The following ASAH2 variants were observed in gnomAD, a reference collection of about 807,000 sequenced individuals.
ASAH2 encodes neutral ceramidase.
Under a neutral mutation model 82.9 loss-of-function variants are expected in ASAH2, and 58 were observed. The observed-to-expected ratio is 0.70, with a 90% CI of 0.57 to 0.87. ASAH2 has a LOEUF of 0.87. ASAH2 is among the 40% of genes least tolerant of loss of function. The pLI is 0.00. For synonymous variants in ASAH2, 276 were observed against 289.7 expected, an observed-to-expected ratio of 0.95 and a Z score of 0.48; for missense variants, 779 against 834.0, an observed-to-expected ratio of 0.93 and a Z score of 0.81.
chr10:50,208,081 A>G (rs2133204570), intron 12 of ASAH2, among the ~76,000 whole-genome samples: 1 of 152,102 alleles, frequency 6.6e-6, no homozygotes, highest in Middle Eastern at 3.4e-3. Flanking sequence ...GAGCAGATAC[A>G]GAGAGAAATA....
intron 4 of ASAH2, among the ~76,000 whole-genome samples, chr10:50,236,503 C>T (rs1846162500): frequency 6.6e-6 from 1 of 152,064 alleles, no homozygotes; most frequent in East Asian, 1.9e-4. Flanking sequence ...AACTAAAACT[C>T]AAGATGAGAT....
At chr10:50,210,513 G>T (rs1845424733) in intron 12 of ASAH2, among the ~76,000 whole-genome samples, 1 of 151,606 alleles carries the variant, frequency 6.6e-6, no homozygotes, top group African/African-American at 2.4e-5. Flanking sequence ...AAAAATAAAT[G>T]CATGCTACAA....
At chr10:50,212,021 T>C (rs1845466065) in intron 10 of ASAH2, among the ~76,000 whole-genome samples, 3 of 152,198 alleles carry the variant, frequency 2.0e-5, no homozygotes, top group Non-Finnish European at 1.5e-5. Flanking sequence ...AATCTGTGAA[T>C]TTAGAATAAT....
At chr10:50,241,720 T>C (rs576354531) in intron 4 of ASAH2, among the ~76,000 whole-genome samples, 1 of 152,070 alleles carries the variant, frequency 6.6e-6, no homozygotes, top group East Asian at 1.9e-4. Context: ...TAAAAAAGGG[T>C]GAGTTCATGT....
At position 50,187,118 on chromosome 10, in the gene ASAH2, T is replaced by TCTCACATACACACACACA. The variant is rs1370881909; in HGVS notation, c.*196_*197insTGTGTGTGTGTATGTGAG. The TCTCACATACACACACACA allele has an allele frequency of 1.4e-5, 2 of 140,976 alleles. 1 individual carries two copies. The highest frequency in any genetic ancestry group is 1.1e-4 in the African/African-American group (2 of 18,050). 8.7% of individuals were successfully genotyped at this position (140,976 alleles called of 1,614,324 possible). Reference sequence around the variant, plus strand: ...CTCTCTCTCTCTCTCTCTCTCTCTCTCACACACACACACACACACACACAC... The same window carrying TCTCACATACACACACACA: ...CTCTCTCTCTCTCTCTCTCTCTCTCTCTCACATACACACACACACACACACACACACACACACACACAC... On this transcript the variant is annotated 3_prime_UTR_variant, in exon 21 of 21. Coordinates refer to ENST00000682911, the MANE Select transcript of ASAH2 (RefSeq NM_019893.4).
Position 50,245,348 on chromosome 10 carries a change from G to A in ASAH2, c.234C>T (p.Ser78=). The part of the protein sequence containing the change: ...TATQHSTATQ[S]STATQTSPVP... ...CTGGAGAAGTTTGAGTGGCTGTGGA[G>A]CTCTGGGTGGCTGTGGAATGCTGGG... The change falls in exon 3 of 21, where the codon AGC becomes AGT. Residue 78 remains serine (S), a synonymous_variant. Transcript: ENST00000682911. The A allele has an allele frequency of 6.2e-7, 1 of 1,613,884 alleles. No homozygotes were observed. The highest frequency in any genetic ancestry group is 8.5e-7 in the Non-Finnish European group (1 of 1,179,970).
chr10:50,194,184 A>G (rs1366581363), intron 18 of ASAH2, among the ~76,000 whole-genome samples: 2 of 151,404 alleles, frequency 1.3e-5, no homozygotes, highest in Non-Finnish European at 3.0e-5. Flanking sequence ...CTATTGCCCC[A>G]ATACCAAAGG....
At chr10:50,242,238 T>A (rs1846320067) in intron 4 of ASAH2, among the ~76,000 whole-genome samples, 1 of 152,046 alleles carries the variant, frequency 6.6e-6, no homozygotes. Flanking sequence ...CTTAATCCCT[T>A]TTTCCTCATG....
intron 16 of ASAH2, among the ~76,000 whole-genome samples, chr10:50,199,837 A>T (rs1168007914): frequency 6.6e-6 from 1 of 151,504 alleles, no homozygotes; most frequent in Non-Finnish European, 1.5e-5. Flanking sequence ...AAATCTCCTG[A>T]GATCTTTCAT....
intron 16 of ASAH2, among the ~76,000 whole-genome samples, chr10:50,200,371 C>T (rs1198811584): frequency 1.3e-5 from 2 of 150,946 alleles, no homozygotes; most frequent in African/African-American, 2.4e-5. Flanking sequence ...CATCACCCTC[C>T]GCATACTTAC....
chr10:50,243,149 T>C, intron 4 of ASAH2, 53 bp downstream of exon 4: 1 of 1,594,826 alleles, frequency 6.3e-7, no homozygotes, highest in Non-Finnish European at 8.6e-7. Flanking sequence ...ATTCACCCAC[T>C]TTTCCTTAAA....
chr10:50,242,649 TCTC>T (rs1488985425), intron 4 of ASAH2, among the ~76,000 whole-genome samples: 2 of 150,954 alleles, frequency 1.3e-5, no homozygotes, highest in East Asian at 3.9e-4. Flanking sequence ...TCTCTCTCCG[TCTC>T]CTCCTCCTCC....
intron 18 of ASAH2, among the ~76,000 whole-genome samples, chr10:50,194,417 G>A (rs1844921304): frequency 1.3e-5 from 2 of 151,556 alleles, no homozygotes; most frequent in East Asian, 1.9e-4. Context: ...AAAAAAAATT[G>A]CAAAACTCCA....
At chr10:50,244,839 C>CTT (rs72507051) in intron 3 of ASAH2, among the ~76,000 whole-genome samples, 11,329 of 151,116 alleles carry the variant, frequency 0.075, 482 homozygotes, top group Middle Eastern at 0.13. Context: ...TTTATTTGTG[C>CTT]TTTTTTTTTC....
chr10:50,217,772 C>T (rs1457339599), intron 8 of ASAH2, among the ~76,000 whole-genome samples: 1 of 152,080 alleles, frequency 6.6e-6, no homozygotes, highest in East Asian at 1.9e-4. Flanking sequence ...AAGCTAATAT[C>T]TTTATAAGGG....
intron 7 of ASAH2, among the ~76,000 whole-genome samples, chr10:50,224,184 AG>A (rs1323890027): frequency 6.6e-6 from 1 of 152,178 alleles, no homozygotes; most frequent in African/African-American, 2.4e-5. Flanking sequence ...TGATAATAGT[AG>A]TACCTGCATT....
chr10:50,208,166 T>C (rs960361328), intron 12 of ASAH2, among the ~76,000 whole-genome samples: 2 of 151,946 alleles, frequency 1.3e-5, no homozygotes, highest in African/African-American at 4.8e-5. Flanking sequence ...TTCCTCAACC[T>C]GATGAAGGAT....
chr10:50,241,161 T>C (rs970690777), intron 4 of ASAH2, among the ~76,000 whole-genome samples: 7 of 152,290 alleles, frequency 4.6e-5, no homozygotes, highest in African/African-American at 1.7e-4. Flanking sequence ...GGTCAAGCTT[T>C]CAGATGACTC....
intron 2 of ASAH2, 119 bp downstream of exon 2, chr10:50,248,365 G>T: frequency 1.6e-6 from 2 of 1,257,592 alleles, no homozygotes; most frequent in Non-Finnish European, 1.1e-6. Flanking sequence ...GGCTATTCCA[G>T]GCTGCTTAAG....
Sources: allele counts gnomAD v4.1 joint callset (sites outside exome capture counted in the v4.1 genomes callset), GRCh38; gene constraint gnomAD v4.1.1; transcripts MANE v1.5; gene names NCBI Gene and HGNC (gene_info 2026-07-23, HGNC 2026-07-21).